Variants in TPD52L1 observed in about 807,000 individuals in gnomAD.
The protein encoded by TPD52L1 is tumor protein D53.
TPD52L1 carries 18 observed loss-of-function variants against 28.7 expected under a neutral mutation model. That is an observed-to-expected ratio of 0.63 (90% CI 0.43 to 0.93). The LOEUF (loss-of-function observed/expected upper bound fraction) is 0.93, where lower values mean the gene tolerates loss of function less well. Ranked by LOEUF, TPD52L1 falls within the 40% of genes least tolerant of loss-of-function variation. The pLI, the probability that TPD52L1 is intolerant of heterozygous loss-of-function variation, is 0.00. For synonymous variants in TPD52L1, 75 were observed against 88.8 expected (o/e 0.84, Z 0.88); for missense variants, 203 against 254.8 (o/e 0.80, Z 1.39).
At chr6:125,188,111 T>A (rs533825106) in intron 1 of TPD52L1, among the ~76,000 whole-genome samples, 2 of 152,324 alleles carry the variant, frequency 1.3e-5, no homozygotes, top group African/African-American at 4.8e-5. Context: ...GCCAAGCATA[T>A]ATTAATTAGT....
At chr6:125,165,098 A>T (rs1790801777) in intron 1 of TPD52L1, among the ~76,000 whole-genome samples, 1 of 145,838 alleles carries the variant, frequency 6.9e-6, no homozygotes, top group Admixed American at 6.8e-5. Flanking sequence ...ATATATATAT[A>T]TTTTAACTGT....
At chr6:125,159,656 C>A (rs1273368759) in intron 1 of TPD52L1, among the ~76,000 whole-genome samples, 13 of 152,088 alleles carry the variant, frequency 8.5e-5, no homozygotes, top group Middle Eastern at 3.2e-3. Flanking sequence ...CTAGTTCCAA[C>A]AAAAAAATCA....
At position 125,248,410 on chromosome 6, in the gene TPD52L1, G is replaced by A. The variant is rs369157507; in HGVS notation, c.386+27G>A. 1.8e-4 allele frequency: 279 copies of A among 1,577,858 alleles called. 2 individuals are homozygous for A. The highest frequency in any genetic ancestry group is 1.9e-4 in the Non-Finnish European group (216 of 1,147,406). ...TACTGTGGGAAAATACCATGGGAACGGCGCTAAGCCCTTGGCTTTCCGATT... is the reference window on the plus strand; with the variant it reads ...TACTGTGGGAAAATACCATGGGAACAGCGCTAAGCCCTTGGCTTTCCGATT... On this transcript the variant is annotated intron_variant, in intron 4 of 6. Transcript: ENST00000534000.
At chr6:125,169,927 C>T (rs1791173013) in intron 1 of TPD52L1, among the ~76,000 whole-genome samples, 1 of 152,202 alleles carries the variant, frequency 6.6e-6, no homozygotes, top group Admixed American at 6.5e-5. Flanking sequence ...AATGCTCTCT[C>T]CCTTAATTCC....
intron 1 of TPD52L1, among the ~76,000 whole-genome samples, chr6:125,170,204 A>G (rs936360443): frequency 1.3e-5 from 2 of 151,962 alleles, no homozygotes; most frequent in Non-Finnish European, 1.5e-5. Context: ...AGGTATTTGC[A>G]TGTCACTCAC....
chr6:125,185,202 A>G (rs561229425), intron 1 of TPD52L1, among the ~76,000 whole-genome samples: 78 of 152,324 alleles, frequency 5.1e-4, no homozygotes, highest in African/African-American at 1.8e-3. Context: ...TTGATTAATA[A>G]TTTGGTTTTA....
chr6:125,200,285 G>A (rs889952379), intron 1 of TPD52L1, among the ~76,000 whole-genome samples: 2 of 152,116 alleles, frequency 1.3e-5, no homozygotes, highest in African/African-American at 4.8e-5. Flanking sequence ...GTTCAAGATT[G>A]TCTATAATTG....
intron 1 of TPD52L1, among the ~76,000 whole-genome samples, chr6:125,178,126 C>T (rs1269802421): frequency 6.6e-6 from 1 of 152,052 alleles, no homozygotes; most frequent in Admixed American, 6.6e-5. Flanking sequence ...TATAAAATAA[C>T]AAATATTCAA....
intron 1 of TPD52L1, among the ~76,000 whole-genome samples, chr6:125,194,594 C>T (rs1006839404): frequency 4.5e-4 from 69 of 152,250 alleles, no homozygotes; most frequent in African/African-American, 1.6e-3. Flanking sequence ...TTCAATGTAC[C>T]TGATACTTTG....
intron 4 of TPD52L1, among the ~76,000 whole-genome samples, chr6:125,250,493 A>C (rs1353417258): frequency 1.3e-5 from 2 of 152,248 alleles, no homozygotes; most frequent in Non-Finnish European, 2.9e-5. Context: ...AGAAAGTCTG[A>C]CATGTATTAT....
At position 125,263,401 on chromosome 6, in the gene TPD52L1, T is replaced by C. The variant is rs1798167671; in HGVS notation, c.*439T>C. ...TTCATGACTGTCTCCAGCAATAGGA[T>C]GATTTACTATAAATTTCATCCAACT... On this transcript the variant is annotated 3_prime_UTR_variant, in exon 7 of 7. Coordinates refer to ENST00000534000, the MANE Select transcript of TPD52L1 (RefSeq NM_003287.4). The C allele has an allele frequency of 6.4e-6, 1 of 155,880 alleles. No individual in the cohort carries two copies. The highest frequency in any genetic ancestry group is 2.4e-5 in the African/African-American group (1 of 41,528). The allele number at this position is 155,880 out of a possible 1,614,324, so 9.7% of individuals were successfully genotyped here. A position where few individuals can be genotyped will look rare whatever the true frequency, so the allele number is the denominator to read the frequency against.
At chr6:125,156,498 G>C (rs1790145913) in intron 1 of TPD52L1, among the ~76,000 whole-genome samples, 1 of 141,174 alleles carries the variant, frequency 7.1e-6, no homozygotes, top group South Asian at 2.3e-4. Flanking sequence ...ATACAAAAAA[G>C]GCCAGCCACA....
At chr6:125,188,857 G>C (rs954705566) in intron 1 of TPD52L1, among the ~76,000 whole-genome samples, 1 of 152,144 alleles carries the variant, frequency 6.6e-6, no homozygotes, top group Admixed American at 6.5e-5. Flanking sequence ...TACAGACCTA[G>C]GCATGTTTTA....
intron 3 of TPD52L1, among the ~76,000 whole-genome samples, chr6:125,246,937 A>G (rs535501259): frequency 9.9e-4 from 150 of 152,212 alleles, no homozygotes; most frequent in Non-Finnish European, 1.5e-3. Context: ...TCCTAAAAAA[A>G]CATTGTGTTA....
chr6:125,258,610 G>A (rs1011509192), intron 6 of TPD52L1, among the ~76,000 whole-genome samples: 2 of 152,162 alleles, frequency 1.3e-5, no homozygotes, highest in Non-Finnish European at 2.9e-5. Flanking sequence ...AGAAGCAAAA[G>A]AAGAATAAAG....
At chr6:125,189,559 G>C (rs547237184) in intron 1 of TPD52L1, among the ~76,000 whole-genome samples, 1 of 152,216 alleles carries the variant, frequency 6.6e-6, no homozygotes, top group African/African-American at 2.4e-5. Context: ...GAAAACAAAG[G>C]CTTTTCTATC....
At chr6:125,172,147 T>TC (rs1491133534) in intron 1 of TPD52L1, among the ~76,000 whole-genome samples, 1 of 74,758 alleles carries the variant, frequency 1.3e-5, no homozygotes, top group African/African-American at 7.7e-5. Flanking sequence ...TTTCTTTCTT[T>TC]CTTTCTTTCT....
chr6:125,166,349 G>A (rs995729403), intron 1 of TPD52L1, among the ~76,000 whole-genome samples: 11 of 152,222 alleles, frequency 7.2e-5, no homozygotes, highest in South Asian at 4.2e-4. Flanking sequence ...ACATAAAGAC[G>A]TCATGGAAAG....
intron 1 of TPD52L1, among the ~76,000 whole-genome samples, chr6:125,183,041 A>G (rs953591541): frequency 6.6e-6 from 1 of 152,200 alleles, no homozygotes; most frequent in Non-Finnish European, 1.5e-5. Context: ...GTCTTTATAC[A>G]ATAAGTAGGA....
Sources: allele counts gnomAD v4.1 joint callset (sites outside exome capture counted in the v4.1 genomes callset), GRCh38; gene constraint gnomAD v4.1.1; transcripts MANE v1.5; gene names NCBI Gene and HGNC (gene_info 2026-07-23, HGNC 2026-07-21).